Variants in EPS15L1 observed in about 807,000 individuals in gnomAD.
The protein encoded by EPS15L1 is epidermal growth factor receptor pathway substrate 15 like 1.
Under a neutral mutation model 117.1 loss-of-function variants are expected in EPS15L1, and 43 were observed. The ratio of observed to expected loss-of-function variants is 0.37; its 90% CI spans 0.29 to 0.47. The LOEUF (loss-of-function observed/expected upper bound fraction) is 0.47. EPS15L1 is among the 20% of genes least tolerant of loss of function. The pLI is 0.99. For synonymous variants in EPS15L1, 459 were observed against 470.5 expected (o/e 0.98, Z 0.32); for missense variants, 981 against 1,164.0 (o/e 0.84, Z 2.29).
Position 16,377,162 on chromosome 19 carries a change from A to C in EPS15L1, c.2340T>G (p.Pro780=). 1 of 1,609,782 alleles carries C rather than the reference A, an allele frequency of 6.2e-7. No homozygotes were observed. Among genetic ancestry groups the C allele is most frequent in the African/African-American group, 1.3e-5 (1 of 74,748 alleles). Residue 780 remains proline (P), a synonymous_variant, in exon 22 of 24, where the codon CCT becomes CCG. Transcript: ENST00000455140. ...GCCGTGGAGGAGCAGGTTTCTTCGG[A>C]GGCAGAGCAGGAGTGTCCTGTTTAC... ...FKSKQDTPAL[P]PKKPAPPRPK...
chr19:16,393,972 C>G lies in EPS15L1; in HGVS notation c.1945G>C (p.Glu649Gln). The G allele has an allele frequency of 6.2e-7, 1 of 1,614,158 alleles. No individual in the cohort carries two copies. ...GDPFQNDPFAEQQTTSTDPFG... is the reference protein window; with the variant it reads ...GDPFQNDPFAQQQTTSTDPFG... ...TTACCTGTTGAAGTTGTCTGCTGTT[C>G]TGCAAAGGGGTCATTCTGGAACGGG... The change falls in exon 18 of 24, where the codon GAA becomes CAA. Residue 649 changes from glutamate (E) to glutamine (Q), a missense_variant. Coordinates refer to ENST00000455140, the MANE Select transcript of EPS15L1 (RefSeq NM_001258374.3).
intron 22 of EPS15L1, among the ~76,000 whole-genome samples, chr19:16,375,773 C>T (rs116860620): frequency 0.021 from 3,168 of 152,338 alleles, 50 homozygotes; most frequent in Non-Finnish European, 0.031. Flanking sequence ...ACTTTTTCTC[C>T]TGACTCATCC....
At chr19:16,444,430 T>C (rs1270195149) in intron 1 of EPS15L1, among the ~76,000 whole-genome samples, 1 of 152,126 alleles carries the variant, frequency 6.6e-6, no homozygotes, top group Admixed American at 6.6e-5. Context: ...CTTAGCATCT[T>C]ACAACCTCGT....
chr19:16,395,867 C>T (rs1472803375), intron 16 of EPS15L1, among the ~76,000 whole-genome samples: 1 of 150,582 alleles, frequency 6.6e-6, no homozygotes, highest in Non-Finnish European at 1.5e-5. Flanking sequence ...ACTGCTTGAA[C>T]CCAGGAGGTG....
At chr19:16,457,006 G>A (rs1412631725) in intron 1 of EPS15L1, among the ~76,000 whole-genome samples, 1 of 152,130 alleles carries the variant, frequency 6.6e-6, no homozygotes, top group East Asian at 1.9e-4. Context: ...ATGCATATGA[G>A]ATGGTAAACG....
At chr19:16,438,304 G>A (rs762379868) in intron 4 of EPS15L1, among the ~76,000 whole-genome samples, 22 of 152,070 alleles carry the variant, frequency 1.4e-4, no homozygotes, top group African/African-American at 4.8e-4. Context: ...AGTGAGCCAA[G>A]ATCATGCCAC....
chr19:16,461,076 C>G (rs968230480), intron 1 of EPS15L1, among the ~76,000 whole-genome samples: 2 of 151,620 alleles, frequency 1.3e-5, no homozygotes, highest in Non-Finnish European at 2.9e-5. Flanking sequence ...GAGGCCGAGG[C>G]GGGCGGATCA....
intron 1 of EPS15L1, among the ~76,000 whole-genome samples, chr19:16,458,131 G>C (rs575713971): frequency 6.6e-6 from 1 of 152,262 alleles, no homozygotes; most frequent in Admixed American, 6.5e-5. Context: ...CCTGACAGTG[G>C]GGGGTGGCTC....
chr19:16,376,595 A>G (rs761265634), intron 22 of EPS15L1, among the ~76,000 whole-genome samples: 2 of 152,170 alleles, frequency 1.3e-5, no homozygotes, highest in Non-Finnish European at 2.9e-5. Flanking sequence ...ATCAGATGCC[A>G]CCAAGGACAA....
At chr19:16,382,702 C>A (rs190748348) in intron 21 of EPS15L1, among the ~76,000 whole-genome samples, 1 of 151,142 alleles carries the variant, frequency 6.6e-6, no homozygotes. Context: ...TGGAAACATA[C>A]TTTGGGGAAT....
chr19:16,385,239 T>A (rs758382227), intron 20 of EPS15L1, 28 bp from the exon 21 acceptor site: 9 of 1,591,858 alleles, frequency 5.7e-6, no homozygotes, highest in South Asian at 1.1e-5. Flanking sequence ...AAAGTCAGAG[T>A]TACAGGTCTT....
intron 1 of EPS15L1, among the ~76,000 whole-genome samples, chr19:16,466,878 G>T (rs991548220): frequency 1.5e-4 from 23 of 151,446 alleles, no homozygotes; most frequent in African/African-American, 4.9e-4. Flanking sequence ...ACTCCATCCT[G>T]GGTGACAAGA....
chr19:16,413,187 G>C, intron 13 of EPS15L1: 1 of 654,312 alleles, frequency 1.5e-6, no homozygotes, highest in Non-Finnish European at 2.8e-6. Flanking sequence ...CATTGTCCCC[G>C]TGTGCAGAGG....
rs1311949085 is a variant in EPS15L1, at chr19:16,417,698, C to T, written c.1108-61G>A. Reference sequence around the variant, plus strand: ...CAACCTGACATCACCTGACAGGAGGCACCAGCAGTTCTCGGGCCCAGGGAT... The same window carrying T: ...CAACCTGACATCACCTGACAGGAGGTACCAGCAGTTCTCGGGCCCAGGGAT... On this transcript the variant is annotated intron_variant, in intron 11 of 23. Coordinates refer to ENST00000455140, the MANE Select transcript of EPS15L1 (RefSeq NM_001258374.3). 8 of 1,434,194 alleles carry T rather than the reference C, an allele frequency of 5.6e-6. No individual in the cohort carries two copies. The Admixed American group carries it at 1.2e-4, about 21-fold the overall frequency. The allele number at this position is 1,434,194 out of a possible 1,614,324, so 88.8% of individuals were successfully genotyped here.
chr19:16,412,859 C>T, intron 13 of EPS15L1: 1 of 565,252 alleles, frequency 1.8e-6, no homozygotes, highest in East Asian at 4.1e-5. Flanking sequence ...AGAGGCAAGG[C>T]CGAGGATAAG....
At chr19:16,402,878 C>T (rs568199459) in intron 15 of EPS15L1, among the ~76,000 whole-genome samples, 1 of 152,322 alleles carries the variant, frequency 6.6e-6, no homozygotes, top group Admixed American at 6.5e-5. Context: ...AGGCACTGCA[C>T]TGCGCAAAGC....
Position 16,377,258 on chromosome 19 carries a change from T to A in EPS15L1, c.2248-4A>T, listed in dbSNP as rs1189663838. ...TGAAAGGGCCAGAAGGTGGGGGCTG[T>A]AAGAGAGGACATGAAAGAGAGGCAA... On this transcript the variant is annotated splice_region_variant and splice_polypyrimidine_tract_variant and intron_variant, in intron 21 of 23. Coordinates refer to ENST00000455140, the MANE Select transcript of EPS15L1 (RefSeq NM_001258374.3). 6.2e-7 allele frequency: 1 copy of A among 1,609,668 alleles called. No homozygotes were observed. The highest frequency in any genetic ancestry group is 1.3e-5 in the African/African-American group (1 of 74,638).
chr19:16,419,975 C>T (rs959851923), intron 10 of EPS15L1, among the ~76,000 whole-genome samples: 1 of 152,222 alleles, frequency 6.6e-6, no homozygotes, highest in African/African-American at 2.4e-5. Context: ...GCTCAGTCAG[C>T]GGCCATCCGG....
At chr19:16,406,261 T>A (rs2092655316) in intron 13 of EPS15L1, among the ~76,000 whole-genome samples, 1 of 152,168 alleles carries the variant, frequency 6.6e-6, no homozygotes, top group African/African-American at 2.4e-5. Flanking sequence ...CCAGTCTCCC[T>A]GCCCCTGGCC....
Sources: allele counts gnomAD v4.1 joint callset (sites outside exome capture counted in the v4.1 genomes callset), GRCh38; gene constraint gnomAD v4.1.1; transcripts MANE v1.5; gene names NCBI Gene and HGNC (gene_info 2026-07-23, HGNC 2026-07-21).